ERAP1: variants seen among roughly 807,000 people sequenced by gnomAD.
ERAP1 encodes endoplasmic reticulum aminopeptidase 1.
A neutral mutation model predicts 103.7 loss-of-function variants in ERAP1; 86 were observed. The ratio of observed to expected loss-of-function variants is 0.83; its 90% CI spans 0.70 to 0.99. The LOEUF is 0.99. Among genes scored for constraint, ERAP1 ranks in the 50% least tolerant of loss-of-function variants. The probability of loss-of-function intolerance (pLI) is 0.00; values close to 1 mark genes in which losing one functional copy is unlikely to be tolerated. For missense variants in ERAP1, 1,009 were observed against 1,128.4 expected (o/e 0.89, Z 1.52); for synonymous variants, 398 against 402.4 (o/e 0.99, Z 0.13).
chr5:96,891,209 T>G, the ERAP1 span, among the ~76,000 whole-genome samples: 1 of 152,048 alleles, frequency 6.6e-6, no homozygotes, highest in Non-Finnish European at 1.5e-5. Flanking sequence ...TTTAAAAAAT[T>G]ATCTTTTTTT....
chr5:96,836,198 T>G, the ERAP1 span, among the ~76,000 whole-genome samples: 6 of 130,530 alleles, frequency 4.6e-5, no homozygotes, highest in Admixed American at 7.7e-5. Flanking sequence ...TTTTTTTTTC[T>G]GTTTTTTGTT....
At chr5:96,813,650 CA>C in the ERAP1 span, among the ~76,000 whole-genome samples, 28 of 55,154 alleles carry the variant, frequency 5.1e-4, 1 homozygote, top group East Asian at 1.6e-3. Flanking sequence ...AGACTCATCT[CA>C]AAAAAAAAAA....
the ERAP1 span, among the ~76,000 whole-genome samples, chr5:96,823,991 G>A: frequency 1.2e-3 from 177 of 152,268 alleles, 3 homozygotes; most frequent in Non-Finnish European, 2.9e-4. Flanking sequence ...CTAATGAGCC[G>A]GTAGTGTACA....
At chr5:96,859,541 T>C in the ERAP1 span, among the ~76,000 whole-genome samples, 17 of 152,118 alleles carry the variant, frequency 1.1e-4, no homozygotes, top group East Asian at 3.3e-3. Context: ...AGCCTCAATG[T>C]CACACAAGCT....
the ERAP1 span, chr5:96,896,506 T>C: frequency 6.2e-7 from 1 of 1,612,176 alleles, no homozygotes; most frequent in Non-Finnish European, 8.5e-7. Flanking sequence ...TATAACAAGG[T>C]AGTAAATATC....
At position 96,774,604 on chromosome 5, in the gene ERAP1, C is replaced by T. The variant is rs1213940397; in HGVS notation, c.*1792G>A. ...AAACAAAGATAGGTTCCTCAGGTGA[C>T]CAAAACTGAAAATCAATATTTCCAT... On this transcript the variant is annotated 3_prime_UTR_variant, in exon 19 of 19. Coordinates refer to ENST00000443439, the MANE Select transcript of ERAP1 (RefSeq NM_001040458.3). 1 of 985,206 alleles carries T rather than the reference C, an allele frequency of 1.0e-6. No homozygotes were observed. Among genetic ancestry groups the T allele is most frequent in the Non-Finnish European group, 1.2e-6 (1 of 829,810 alleles). The allele number at this position is 985,206 out of a possible 1,614,324, so 61.0% of individuals were successfully genotyped here. A position where few individuals can be genotyped will look rare whatever the true frequency, so the allele number is the denominator to read the frequency against.
the ERAP1 span, chr5:96,909,701 C>A: frequency 6.2e-7 from 1 of 1,614,060 alleles, no homozygotes; most frequent in Non-Finnish European, 8.5e-7. Flanking sequence ...CTGAACCATG[C>A]TCCTTGCATC....
rs1581544567 is a variant in ERAP1, at chr5:96,781,769, A to C, written c.2371T>G (p.Phe791Val). The change falls in exon 16 of 19, where the codon TTT (phenylalanine) becomes GTT (valine). Residue 791 changes from phenylalanine (F) to valine (V), a missense_variant. This residue lies in a region of ERAP1 where 611 missense variants were observed against 651.7 expected (regional missense o/e 0.94). Coordinates refer to ENST00000443439, the MANE Select transcript of ERAP1 (RefSeq NM_001040458.3). ...CTTTTCTCAGTACTGGACAAAGAAA[A>C]CTGATATTTACTATAAAGAAAATCC... ...GWDFLYSKYQ[F>V]SLSSTEKSQI... 53 of 1,614,162 alleles carry C rather than the reference A, an allele frequency of 3.3e-5. 1 individual carries two copies. In the East Asian group the frequency reaches 1.2e-3, roughly 36 times the overall value.
the ERAP1 span, among the ~76,000 whole-genome samples, chr5:96,844,771 T>C: frequency 1.3e-5 from 2 of 152,230 alleles, no homozygotes; most frequent in Non-Finnish European, 2.9e-5. Flanking sequence ...CTGCCCAGCA[T>C]GGCTTCTGGC....
chr5:96,802,409 C>A (rs152469), intron 2 of ERAP1, among the ~76,000 whole-genome samples: 6,914 of 151,866 alleles, frequency 0.046, 210 homozygotes, highest in South Asian at 0.11. Context: ...ATATGCATAT[C>A]CAGAAAGAAG....
the ERAP1 span, among the ~76,000 whole-genome samples, chr5:96,869,869 G>A: frequency 1.3e-5 from 2 of 152,212 alleles, no homozygotes; most frequent in East Asian, 1.9e-4. Flanking sequence ...AGGGATGGGG[G>A]AGGGTGCTGC....
chr5:96,917,382 A>C, the ERAP1 span: 1 of 1,417,698 alleles, frequency 7.1e-7, no homozygotes, highest in Non-Finnish European at 9.6e-7. Context: ...TGGCCTCCCG[A>C]AGTGCTGGGA....
At chr5:96,931,455 C>G in the ERAP1 span, among the ~76,000 whole-genome samples, 1 of 152,100 alleles carries the variant, frequency 6.6e-6, no homozygotes, top group Non-Finnish European at 1.5e-5. Context: ...TTGTGCCCAG[C>G]CTAGTTCCTG....
chr5:96,926,965 C>CTGAT, the ERAP1 span, among the ~76,000 whole-genome samples: 1 of 152,152 alleles, frequency 6.6e-6, no homozygotes, highest in Non-Finnish European at 1.5e-5. Context: ...TACAGACATG[C>CTGAT]ATCACCATGC....
chr5:96,841,068 G>C, the ERAP1 span, among the ~76,000 whole-genome samples: 1 of 152,148 alleles, frequency 6.6e-6, no homozygotes, highest in African/African-American at 2.4e-5. Flanking sequence ...TGACCACTGG[G>C]GTAGCTGAAG....
In ERAP1 at chr5:96,775,113, G is replaced by GAAAT. The variant is rs1230379909; in HGVS notation, c.*1279_*1282dup. ...CCTGTGTAGCAAGTTTTCAGAATAA[G>GAAAT]AAATAAAATCTAATTCTTAGGGTAT... On this transcript the variant is annotated 3_prime_UTR_variant, in exon 19 of 19. Coordinates refer to ENST00000443439, the MANE Select transcript of ERAP1 (RefSeq NM_001040458.3). 2.0e-6 allele frequency: 2 copies of GAAAT among 985,320 alleles called. No individual in the cohort carries two copies. Among genetic ancestry groups the GAAAT allele is most frequent in the African/African-American group, 1.7e-5 (1 of 57,202 alleles). The allele number at this position is 985,320 out of a possible 1,614,324, so 61.0% of individuals were successfully genotyped here.
the ERAP1 span, among the ~76,000 whole-genome samples, chr5:96,856,379 G>T: frequency 1.0e-3 from 107 of 105,238 alleles, no homozygotes; most frequent in Non-Finnish European, 1.7e-3. Flanking sequence ...GAGAGAGAGA[G>T]AGAGAGAGAG....
the ERAP1 span, among the ~76,000 whole-genome samples, chr5:96,881,841 C>A: frequency 6.6e-6 from 1 of 152,168 alleles, no homozygotes; most frequent in Non-Finnish European, 1.5e-5. Context: ...AGATTTCCCA[C>A]CCAATGACTT....
At chr5:96,867,235 G>T in the ERAP1 span, among the ~76,000 whole-genome samples, 1 of 151,858 alleles carries the variant, frequency 6.6e-6, no homozygotes, top group African/African-American at 2.4e-5. Flanking sequence ...TCGAACTCCT[G>T]AGCTGAGGCA....
Sources: allele counts gnomAD v4.1 joint callset (sites outside exome capture counted in the v4.1 genomes callset), GRCh38; gene constraint gnomAD v4.1.1; regional missense constraint gnomAD v4.1.1; transcripts MANE v1.5; gene names NCBI Gene and HGNC (gene_info 2026-07-23, HGNC 2026-07-21).